EPB41L2: variants seen among roughly 807,000 people sequenced by gnomAD.
EPB41L2 encodes the protein band 4.1-like protein 2.
In EPB41L2, 43 loss-of-function variants were observed where a neutral mutation model predicts 113.0. That is an observed-to-expected ratio of 0.38 (90% CI 0.30 to 0.49). The LOEUF (loss-of-function observed/expected upper bound fraction) is 0.49. EPB41L2 is among the 20% of genes least tolerant of loss of function. The pLI, the probability that EPB41L2 is intolerant of heterozygous loss-of-function variation, is 0.95. For synonymous variants in EPB41L2, 442 were observed against 436.7 expected (o/e 1.01, Z -0.15); for missense variants, 1,147 against 1,223.4 (o/e 0.94, Z 0.93).
chr6:130,972,963 A>C (rs1031210043), intron 1 of EPB41L2, among the ~76,000 whole-genome samples: 1 of 132,040 alleles, frequency 7.6e-6, no homozygotes, highest in Non-Finnish European at 1.6e-5. Flanking sequence ...AAAAAAAAAA[A>C]CAGCCGGGTG....
intron 3 of EPB41L2, among the ~76,000 whole-genome samples, chr6:130,941,595 G>C (rs1364342644): frequency 1.3e-5 from 2 of 152,198 alleles, no homozygotes; most frequent in Non-Finnish European, 1.5e-5. Flanking sequence ...TAGCTTATCA[G>C]AGCAGTCCTA....
intron 1 of EPB41L2, among the ~76,000 whole-genome samples, chr6:130,998,292 A>G (rs570790444): frequency 6.6e-6 from 1 of 152,352 alleles, no homozygotes; most frequent in East Asian, 1.9e-4. Context: ...ACATGGATTA[A>G]GGACAAATTC....
chr6:130,882,143 C>G (rs953666591), intron 12 of EPB41L2: 1 of 152,226 alleles, frequency 6.6e-6, no homozygotes, highest in Non-Finnish European at 1.5e-5. Flanking sequence ...CCTAAAGGAA[C>G]AGCATTAATA....
At chr6:130,876,738 A>G (rs1353304227) in intron 14 of EPB41L2, 2 of 1,304,214 alleles carry the variant, frequency 1.5e-6, no homozygotes, top group East Asian at 1.1e-4. Context: ...CTTCTCCTTC[A>G]CGGATAAAAT....
chr6:131,049,035 C>G (rs2128194091), intron 1 of EPB41L2, among the ~76,000 whole-genome samples: 2 of 152,336 alleles, frequency 1.3e-5, no homozygotes, highest in Middle Eastern at 3.4e-3. Context: ...AAGCTTGCAG[C>G]ACTGAAGATG....
intron 1 of EPB41L2, among the ~76,000 whole-genome samples, chr6:131,027,579 T>C (rs967987308): frequency 2.6e-5 from 4 of 152,230 alleles, no homozygotes; most frequent in Admixed American, 6.5e-5. Context: ...CAATGCTTAA[T>C]GCAGCCAATG....
At chr6:130,966,113 G>C (rs754878946) in intron 1 of EPB41L2, among the ~76,000 whole-genome samples, 86 of 152,102 alleles carry the variant, frequency 5.7e-4, no homozygotes, top group Non-Finnish European at 8.5e-4. Flanking sequence ...AGCTTTCCTG[G>C]GCCTCCTGCG....
chr6:131,003,744 C>T (rs1473278097), intron 1 of EPB41L2, among the ~76,000 whole-genome samples: 1 of 152,186 alleles, frequency 6.6e-6, no homozygotes, highest in East Asian at 1.9e-4. Context: ...TACTTATTTT[C>T]ACAACAAAAT....
chr6:130,860,913 G>A (rs1324233150), intron 18 of EPB41L2, among the ~76,000 whole-genome samples: 1 of 152,042 alleles, frequency 6.6e-6, no homozygotes, highest in Non-Finnish European at 1.5e-5. Flanking sequence ...ACCTCTCCTT[G>A]GTATGGAGCT....
chr6:130,899,049 T>C (rs1440847029), intron 8 of EPB41L2, among the ~76,000 whole-genome samples: 1 of 152,134 alleles, frequency 6.6e-6, no homozygotes, highest in Non-Finnish European at 1.5e-5. Context: ...TAGGGCTCCT[T>C]CATCAAACAT....
intron 1 of EPB41L2, among the ~76,000 whole-genome samples, chr6:131,021,021 C>T (rs1789354368): frequency 6.6e-6 from 1 of 151,940 alleles, no homozygotes; most frequent in Admixed American, 6.6e-5. Context: ...TGGTCTCAAA[C>T]TCCTAGCCTC....
rs775641552 is a variant in EPB41L2 at position 130,926,676 on chromosome 6, C to T, written c.739G>A (p.Val247Met). 9 of 1,608,744 alleles carry T rather than the reference C, an allele frequency of 5.6e-6. No individual in the cohort carries two copies. The highest frequency in any genetic ancestry group is 2.2e-5 in the East Asian group (1 of 44,678). ...TCCAAGAGATTGAGGTGTTCACACA[C>T]TTTGTCAAATAACACTTGTCCCTTG... ...HAKGQVLFDK[V>M]CEHLNLLEKD... Residue 247 changes from valine to methionine, a missense_variant, in exon 4 of 20, where the codon GTG becomes ATG. Physicochemically the swap from Val to Met is conservative, Grantham distance 21. Coordinates refer to ENST00000337057, the MANE Select transcript of EPB41L2 (RefSeq NM_001431.4).
At chr6:131,013,414 CT>C (rs1261334563) in intron 1 of EPB41L2, 2 of 152,238 alleles carry the variant, frequency 1.3e-5, no homozygotes, top group African/African-American at 2.4e-5. Context: ...TTATTTCCCA[CT>C]TGCACTCACT....
intron 3 of EPB41L2, among the ~76,000 whole-genome samples, chr6:130,944,385 C>T (rs1002630633): frequency 2.6e-5 from 4 of 152,026 alleles, no homozygotes; most frequent in Non-Finnish European, 4.4e-5. Flanking sequence ...CAAAGTCCTC[C>T]GTTAAGACTC....
At chr6:131,014,731 G>A (rs948167497) in intron 1 of EPB41L2, among the ~76,000 whole-genome samples, 4 of 152,178 alleles carry the variant, frequency 2.6e-5, no homozygotes, top group Non-Finnish European at 5.9e-5. Flanking sequence ...AAGGAACCTC[G>A]ATTCAATTAC....
chr6:131,041,902 T>G (rs777119851), intron 1 of EPB41L2, among the ~76,000 whole-genome samples: 1 of 152,182 alleles, frequency 6.6e-6, no homozygotes, highest in Non-Finnish European at 1.5e-5. Context: ...CATTGAATAT[T>G]TGATAATTTA....
intron 1 of EPB41L2, among the ~76,000 whole-genome samples, chr6:131,045,948 C>A (rs1279338942): frequency 7.2e-6 from 1 of 138,652 alleles, no homozygotes; most frequent in African/African-American, 2.6e-5. Context: ...TTCTTTCTCT[C>A]TTTTTTTTTT....
intron 1 of EPB41L2, among the ~76,000 whole-genome samples, chr6:131,048,094 C>T (rs141935324): frequency 0.012 from 1,677 of 139,404 alleles, 36 homozygotes; most frequent in African/African-American, 0.042. Flanking sequence ...GCCGAGATCG[C>T]GCCACTGTAC....
At chr6:131,025,463 T>G (rs891359433) in intron 1 of EPB41L2, among the ~76,000 whole-genome samples, 2 of 152,164 alleles carry the variant, frequency 1.3e-5, no homozygotes, top group African/African-American at 4.8e-5. Context: ...TGCCCAAATG[T>G]ACATTTCTGG....
Sources: gnomAD v4.1 joint callset for allele counts (sites outside exome capture counted in the v4.1 genomes callset) on GRCh38, gnomAD v4.1.1 for gene constraint, MANE v1.5 for transcripts, NCBI Gene and HGNC (gene_info 2026-07-23, HGNC 2026-07-21) for gene names.